The following PPP1R12B variants were observed in gnomAD, a reference collection of about 807,000 sequenced individuals.
PPP1R12B encodes protein phosphatase 1 regulatory subunit 12B.
In PPP1R12B, 76 loss-of-function variants were observed where a neutral mutation model predicts 126.1. The ratio of observed to expected loss-of-function variants is 0.60; its 90% CI spans 0.50 to 0.73. The LOEUF (loss-of-function observed/expected upper bound fraction) is 0.73, where lower values mean the gene tolerates loss of function less well. Among genes scored for constraint, PPP1R12B ranks in the 30% least tolerant of loss-of-function variants. PPP1R12B has a pLI of 0.00. For missense variants in PPP1R12B, 1,052 were observed against 1,205.1 expected (o/e 0.87, Z 1.88); for synonymous variants, 356 against 434.7 (o/e 0.82, Z 2.25).
At chr1:202,372,598 A>G (rs755657307) in intron 1 of PPP1R12B, among the ~76,000 whole-genome samples, 30 of 151,996 alleles carry the variant, frequency 2.0e-4, no homozygotes, top group Non-Finnish European at 3.4e-4. Context: ...GAGAAACCCC[A>G]TCTCTACAAA....
chr1:202,387,496 T>C (rs1663344770), intron 1 of PPP1R12B, among the ~76,000 whole-genome samples: 1 of 152,196 alleles, frequency 6.6e-6, no homozygotes, highest in African/African-American at 2.4e-5. Flanking sequence ...GGTTGTTAAC[T>C]AGATAGCTGT....
intron 1 of PPP1R12B, among the ~76,000 whole-genome samples, chr1:202,362,954 C>G (rs1406678858): frequency 2.6e-5 from 4 of 152,086 alleles, no homozygotes; most frequent in Non-Finnish European, 4.4e-5. Flanking sequence ...GTGCCTCAGC[C>G]CCCTGAGTAG....
chr1:202,556,813 C>A (rs1261210894), intron 18 of PPP1R12B, among the ~76,000 whole-genome samples: 1 of 152,146 alleles, frequency 6.6e-6, no homozygotes, highest in East Asian at 1.9e-4. Flanking sequence ...ACAATAGATG[C>A]TTTACATTTG....
At chr1:202,438,086 T>G in intron 10 of PPP1R12B, 62 bp downstream of exon 10, 1 of 1,601,710 alleles carries the variant, frequency 6.2e-7, no homozygotes, top group Non-Finnish European at 8.5e-7. Flanking sequence ...GAAAATTCAA[T>G]CTTAGGAACA....
chr1:202,440,238 A>C (rs1370328994), intron 10 of PPP1R12B, among the ~76,000 whole-genome samples: 1 of 152,182 alleles, frequency 6.6e-6, no homozygotes, highest in Non-Finnish European at 1.5e-5. Context: ...TCTGGAGACT[A>C]CTGAAAGAGA....
Position 202,349,141 on chromosome 1 carries a change from A to G in PPP1R12B, c.290A>G (p.Gln97Arg), listed in dbSNP as rs1405859341. The G allele has an allele frequency of 6.2e-7, 1 of 1,613,806 alleles. No homozygotes were observed. The highest frequency in any genetic ancestry group is 1.1e-5 in the South Asian group (1 of 91,052). ...GTGGACGGCTTGACAGCCCTGCACC[A>G]GGTAACTCCTTTCTTGGTCTTAGAG... ...VNVDGLTALH[Q>R]ACIDENLDMV... Residue 97 changes from glutamine to arginine, a missense_variant and splice_region_variant, in exon 1 of 24, where the codon CAG becomes CGG. Gln to Arg is a conservative substitution (Grantham distance 43). Coordinates refer to ENST00000608999, the MANE Select transcript of PPP1R12B (RefSeq NM_002481.4).
At chr1:202,504,355 T>C (rs1020263354) in intron 18 of PPP1R12B, among the ~76,000 whole-genome samples, 2 of 152,092 alleles carry the variant, frequency 1.3e-5, no homozygotes, top group African/African-American at 4.8e-5. Flanking sequence ...ATCGCACCAC[T>C]GCACATCAGT....
chr1:202,385,960 G>A (rs1450366044), intron 1 of PPP1R12B, among the ~76,000 whole-genome samples: 1 of 151,244 alleles, frequency 6.6e-6, no homozygotes, highest in African/African-American at 2.4e-5. Context: ...TTGAGACGGA[G>A]TCTTGCTCTG....
chr1:202,500,205 GTCTCTCTCTCTTGCTC>G lies in PPP1R12B; in HGVS notation c.2490+3395_2490+3410del, dbSNP rs982891105. On this transcript the variant is annotated intron_variant, in intron 18 of 23. Transcript: ENST00000608999. ...GTGGTTAGGATTTGGTGCTCTCGCTGTCTCTCTCTCTTGCTCTCTCTCTCTCTCTCTCTCTCTCTCA... is the reference window on the plus strand; with the variant it reads ...GTGGTTAGGATTTGGTGCTCTCGCTGTCTCTCTCTCTCTCTCTCTCTCTCA... 1.0e-4 allele frequency among the ~76,000 whole-genome samples: 15 copies of G among 142,928 alleles called. No individual in the cohort carries two copies. In the East Asian group the frequency reaches 2.4e-3, roughly 23 times the overall value. 93.8% of individuals were successfully genotyped at this position (142,928 alleles called of 152,430 possible). A position where few individuals can be genotyped will look rare whatever the true frequency, so the allele number is the denominator to read the frequency against.
intron 18 of PPP1R12B, among the ~76,000 whole-genome samples, chr1:202,509,719 C>G (rs1681216985): frequency 6.6e-6 from 1 of 152,128 alleles, no homozygotes; most frequent in Non-Finnish European, 1.5e-5. Flanking sequence ...ATTTACTAGT[C>G]TTTTTGCCTT....
intron 18 of PPP1R12B, among the ~76,000 whole-genome samples, chr1:202,503,412 C>G (rs563531971): frequency 6.6e-6 from 1 of 152,120 alleles, no homozygotes. Flanking sequence ...ATTGTTAAAT[C>G]TAATAGGTCT....
At chr1:202,512,141 A>G (rs556397878) in intron 18 of PPP1R12B, among the ~76,000 whole-genome samples, 1 of 152,366 alleles carries the variant, frequency 6.6e-6, no homozygotes, top group Admixed American at 6.5e-5. Context: ...AGGATATTCC[A>G]GGGCTAACCC....
chr1:202,403,675 G>A (rs1666166523), intron 1 of PPP1R12B, among the ~76,000 whole-genome samples: 1 of 152,238 alleles, frequency 6.6e-6, no homozygotes, highest in African/African-American at 2.4e-5. Flanking sequence ...AATATGGAAA[G>A]GGCAACAGTA....
At chr1:202,511,035 C>T (rs1047855822) in intron 18 of PPP1R12B, among the ~76,000 whole-genome samples, 2 of 145,402 alleles carry the variant, frequency 1.4e-5, no homozygotes, top group African/African-American at 5.0e-5. Flanking sequence ...ATAAATATAA[C>T]AATTATATCA....
chr1:202,402,163 T>C (rs1382216052), intron 1 of PPP1R12B, among the ~76,000 whole-genome samples: 1 of 152,258 alleles, frequency 6.6e-6, no homozygotes, highest in Non-Finnish European at 1.5e-5. Context: ...TTGAGTCCTC[T>C]TTCAGGTTTT....
intron 7 of PPP1R12B, 65 bp from the exon 8 acceptor site, chr1:202,431,415 T>G: frequency 1.5e-6 from 2 of 1,366,216 alleles, no homozygotes; most frequent in East Asian, 4.7e-5. Context: ...GTTTATAGAC[T>G]TGTTCCCTTT....
intron 18 of PPP1R12B, among the ~76,000 whole-genome samples, chr1:202,557,193 G>A (rs1687043836): frequency 6.6e-6 from 1 of 152,130 alleles, no homozygotes; most frequent in Non-Finnish European, 1.5e-5. Context: ...GGTCTGCCAT[G>A]TTGCCCAGAC....
In PPP1R12B at chr1:202,584,410, ACT is replaced by A. The variant is rs1277667457; in HGVS notation, c.*3852_*3853del. ...CCACTCAGGAAGCAAGGAAGCTAAA[ACT>A]CAAGTTAATGGTCTGTGGATCCCAC... On this transcript the variant is annotated 3_prime_UTR_variant, in exon 24 of 24. Transcript: ENST00000608999. The A allele has an allele frequency of 6.6e-6, 1 of 152,206 alleles. No individual in the cohort carries two copies. Among genetic ancestry groups the A allele is most frequent in the Non-Finnish European group, 1.5e-5 (1 of 68,028 alleles). 9.4% of individuals were successfully genotyped at this position (152,206 alleles called of 1,614,324 possible).
chr1:202,360,046 G>A (rs937769703), intron 1 of PPP1R12B, among the ~76,000 whole-genome samples: 13 of 152,078 alleles, frequency 8.5e-5, no homozygotes, highest in African/African-American at 2.9e-4. Context: ...GAAAACCTGG[G>A]TTGTTTGTAC....
Sources: allele counts gnomAD v4.1 joint callset (sites outside exome capture counted in the v4.1 genomes callset), GRCh38; gene constraint gnomAD v4.1.1; transcripts MANE v1.5; gene names NCBI Gene and HGNC (gene_info 2026-07-23, HGNC 2026-07-21).